Variants in ZNF479 observed in about 807,000 individuals in gnomAD.
ZNF479 encodes KRAB zinc finger protein KR19.
In ZNF479, 15 loss-of-function variants were observed where a neutral mutation model predicts 14.7. The ratio of observed to expected loss-of-function variants is 1.02; its 90% CI spans 0.68 to 1.57. The LOEUF is 1.57. Among genes scored for constraint, ZNF479 ranks in the 40% most tolerant of loss-of-function variants. The probability of loss-of-function intolerance (pLI) is 0.00; values close to 1 mark genes in which losing one functional copy is unlikely to be tolerated. For missense variants in ZNF479, 506 were observed against 615.1 expected, an observed-to-expected ratio of 0.82 and a Z score of 1.88; for synonymous variants, 145 against 211.5, an observed-to-expected ratio of 0.69 and a Z score of 2.73.
intron 1 of ZNF479, among the ~76,000 whole-genome samples, chr7:57,130,217 G>A (rs1438962065): frequency 1.3e-5 from 2 of 152,210 alleles, no homozygotes; most frequent in African/African-American, 2.4e-5. Context: ...GCTTGCTCCT[G>A]TAATCCCAGC....
In ZNF479 at chr7:57,120,987, C is replaced by A. The variant is rs1554400472; in HGVS notation, c.428G>T (p.Ser143Ile). 1.2e-6 allele frequency: 2 copies of A among 1,613,972 alleles called. No homozygotes were observed. The highest frequency in any genetic ancestry group is 1.3e-5 in the African/African-American group (1 of 74,902). ...AGTTGACAAACATTGGTTAACTTCA[C>A]TATAACCTCCCTTGTGCACCTCATA... The part of the protein sequence containing the change: ...GEYEVHKGGY[S>I]EVNQCLSTTQ... Residue 143 changes from serine to isoleucine, a missense_variant, in exon 4 of 4, where the codon AGT becomes ATT. Ser to Ile is a moderately radical substitution (Grantham distance 142, BLOSUM62 -2). Transcript: ENST00000319636.
At chr7:57,137,092 A>T (rs753855064), upstream of ZNF479, among the ~76,000 whole-genome samples, 5 of 152,214 alleles carry the variant, frequency 3.3e-5, no homozygotes, top group Non-Finnish European at 7.3e-5. Context: ...GGCACTTTAC[A>T]TGACTAAAGT....
Position 57,120,988 on chromosome 7 carries a change from T to A in ZNF479, c.427A>T (p.Ser143Cys), listed in dbSNP as rs1312844228. 1.9e-6 allele frequency: 3 copies of A among 1,614,040 alleles called. No homozygotes were observed. The African/African-American group carries it at 4.0e-5, about 22-fold the overall frequency. ...GTTGACAAACATTGGTTAACTTCAC[T>A]ATAACCTCCCTTGTGCACCTCATAT... is the stretch of plus-strand genomic sequence containing the variant. ...GEYEVHKGGYSEVNQCLSTTQ... is the reference protein window; with the variant it reads ...GEYEVHKGGYCEVNQCLSTTQ... Residue 143 changes from serine to cysteine, a missense_variant, in exon 4 of 4, where the codon AGT (serine) becomes TGT (cysteine). By Grantham distance (112) the Ser-to-Cys change is moderately radical. Around this residue, in one of 3 missense-constraint regions of ZNF479, gnomAD observed 420 missense variants for 474.2 expected, o/e 0.89. Coordinates refer to ENST00000319636, the MANE Select transcript of ZNF479 (RefSeq NM_001370129.2).
chr7:57,119,722 C>T lies in ZNF479; in HGVS notation c.*118G>A, dbSNP rs1785815506. 2 of 1,028,812 alleles carry T rather than the reference C, an allele frequency of 1.9e-6. No individual in the cohort carries two copies. The allele number at this position is 1,028,812 out of a possible 1,614,324, so 63.7% of individuals were successfully genotyped here. On this transcript the variant is annotated 3_prime_UTR_variant, in exon 4 of 4. Transcript: ENST00000319636. ...TTTCTGTCCAATATGAATTCTCTTA[C>T]ATTCAATTAAGGTTTGGAACTGGTT...
intron 1 of ZNF479, 85 bp from the exon 2 acceptor site, chr7:57,126,803 T>C: frequency 6.6e-7 from 1 of 1,513,828 alleles, no homozygotes; most frequent in South Asian, 1.2e-5. Flanking sequence ...TTGACTCAAG[T>C]TAAAAAAGAG....
chr7:57,135,973 A>ATCTCTCTCTCTCTCTCTCTC (rs57853604), upstream of ZNF479, among the ~76,000 whole-genome samples: 58 of 125,306 alleles, frequency 4.6e-4, 1 homozygote, highest in African/African-American at 7.6e-4. Context: ...CTCTCTCTCA[A>ATCTCTCTCTCTCTCTCTCTC]TCTCTCTCTC....
chr7:57,127,172 G>A (rs1422046105), intron 1 of ZNF479, among the ~76,000 whole-genome samples: 7 of 151,810 alleles, frequency 4.6e-5, no homozygotes, highest in Non-Finnish European at 8.8e-5. Flanking sequence ...ACAGGCATGA[G>A]CCACCATGAC....
chr7:57,118,625 C>T lies in ZNF479; in HGVS notation c.*1215G>A, dbSNP rs1251008042. Among the ~76,000 whole-genome samples, 1 of 152,200 alleles carries T rather than the reference C, an allele frequency of 6.6e-6. No homozygotes were observed. The highest frequency in any genetic ancestry group is 1.5e-5 in the Non-Finnish European group (1 of 68,034). ...GACCTCATGATCCACCGACCTTGGT[C>T]TCCCAAAGTGCTGGAATTATAGGCA... On this transcript the variant is annotated 3_prime_UTR_variant, in exon 4 of 4. Coordinates refer to ENST00000319636, the MANE Select transcript of ZNF479 (RefSeq NM_001370129.2).
At chr7:57,138,835 A>G (rs1392637482) in intron 1 of ZNF479, among the ~76,000 whole-genome samples, 2 of 152,316 alleles carry the variant, frequency 1.3e-5, no homozygotes, top group East Asian at 3.9e-4. Flanking sequence ...ATAGTTCCTG[A>G]ATCTCACTGA....
rs1489994188 is a variant in ZNF479 at position 57,120,572 on chromosome 7, G to A, written c.843C>T (p.Ser281=). Residue 281 remains serine (S), a synonymous_variant, in exon 4 of 4, where the codon TCC becomes TCT. Coordinates refer to ENST00000319636, the MANE Select transcript of ZNF479 (RefSeq NM_001370129.2). ...CEECGQAFRR[S]SALTNHKRIH... is the part of the protein sequence containing the mutation. ...TTCTCTTGTGGTTAGTAAGTGCTGA[G>A]GAGCGCCTAAAGGCTTGGCCACATT... 4 of 1,613,838 alleles carry A rather than the reference G, an allele frequency of 2.5e-6. No individual in the cohort carries two copies. The highest frequency in any genetic ancestry group is 1.7e-6 in the Non-Finnish European group (2 of 1,179,914).
intron 2 of ZNF479, 144 bp downstream of exon 2, chr7:57,126,448 G>T: frequency 1.3e-6 from 1 of 766,146 alleles, no homozygotes; most frequent in Non-Finnish European, 2.1e-6. Flanking sequence ...ACATCTTGAA[G>T]AATTTGTTCT....
intron 3 of ZNF479, among the ~76,000 whole-genome samples, chr7:57,123,086 A>C (rs1236714060): frequency 2.0e-5 from 3 of 152,224 alleles, no homozygotes; most frequent in African/African-American, 7.2e-5. Context: ...ATTCATAAAG[A>C]AAAAGATTTT....
At chr7:57,125,515 TA>T (rs1328210504) in intron 3 of ZNF479, among the ~76,000 whole-genome samples, 1 of 150,870 alleles carries the variant, frequency 6.6e-6, no homozygotes, top group African/African-American at 2.4e-5. Context: ...TAAATATATA[TA>T]AAAAATTAAA....
upstream of ZNF479, among the ~76,000 whole-genome samples, chr7:57,132,962 C>T (rs1159134465): frequency 2.0e-5 from 3 of 152,034 alleles, no homozygotes; most frequent in Admixed American, 2.0e-4. Flanking sequence ...ATCGTGAAAC[C>T]CCGTCTCTAC....
chr7:57,131,652 C>T (rs887911266), intron 1 of ZNF479, among the ~76,000 whole-genome samples: 9 of 151,702 alleles, frequency 5.9e-5, no homozygotes, highest in African/African-American at 1.9e-4. Flanking sequence ...CAACCACAGA[C>T]TGCCAATTAA....
intron 1 of ZNF479, among the ~76,000 whole-genome samples, chr7:57,127,314 C>T (rs1005658702): frequency 2.6e-5 from 4 of 152,088 alleles, no homozygotes; most frequent in African/African-American, 7.2e-5. Context: ...TGAGCCACTG[C>T]GCCTGGCCGG....
chr7:57,120,577 G>T lies in ZNF479; in HGVS notation c.838C>A (p.Arg280Ser), dbSNP rs372042387. 6 of 1,610,176 alleles carry T rather than the reference G, an allele frequency of 3.7e-6. No homozygotes were observed. In the African/African-American group the frequency reaches 8.1e-5, roughly 22 times the overall value. ...TTGTGGTTAGTAAGTGCTGAGGAGC[G>T]CCTAAAGGCTTGGCCACATTCTTCA... The part of the protein sequence containing the change: ...TCEECGQAFR[R>S]SSALTNHKRI... Residue 280 changes from arginine (R) to serine (S), a missense_variant, in exon 4 of 4, where the codon CGC (arginine) becomes AGC (serine). Transcript: ENST00000319636.
chr7:57,125,415 T>C (rs1786114288), intron 3 of ZNF479, among the ~76,000 whole-genome samples: 1 of 151,504 alleles, frequency 6.6e-6, no homozygotes, highest in Admixed American at 6.6e-5. Context: ...ATATCTAAAA[T>C]ATGCAACACA....
intron 3 of ZNF479, among the ~76,000 whole-genome samples, chr7:57,123,942 A>G (rs555633838): frequency 0.02 from 3,014 of 152,058 alleles, 104 homozygotes; most frequent in African/African-American, 0.069. Flanking sequence ...ATACATGGAA[A>G]TAAACACACT....
Sources: allele counts gnomAD v4.1 joint callset (sites outside exome capture counted in the v4.1 genomes callset), GRCh38; gene constraint gnomAD v4.1.1; regional missense constraint gnomAD v4.1.1; transcripts MANE v1.5; gene names NCBI Gene and HGNC (gene_info 2026-07-23, HGNC 2026-07-21).